PNLIPRP3: variants seen among roughly 807,000 people sequenced by gnomAD.
PNLIPRP3 encodes pancreatic lipase-related protein 3.
Under a neutral mutation model 52.8 loss-of-function variants are expected in PNLIPRP3, and 58 were observed. The ratio of observed to expected loss-of-function variants is 1.10; its 90% CI spans 0.89 to 1.37. The LOEUF is 1.37. PNLIPRP3 is among the 40% of genes most tolerant of loss of function. The pLI is 0.00. For missense variants in PNLIPRP3, 593 were observed against 561.6 expected (o/e 1.06, Z -0.57); for synonymous variants, 192 against 185.0 (o/e 1.04, Z -0.31).
At chr10:116,476,217 G>T (rs544502476) in intron 10 of PNLIPRP3, among the ~76,000 whole-genome samples, 85 of 152,226 alleles carry the variant, frequency 5.6e-4, no homozygotes, top group Non-Finnish European at 9.7e-4. Flanking sequence ...AAGGGCACGG[G>T]AGCACTCTGG....
intron 2 of PNLIPRP3, chr10:116,439,784 CCTT>C (rs1271840218): frequency 2.1e-5 from 16 of 773,404 alleles, no homozygotes; most frequent in South Asian, 1.3e-4. Context: ...GCATTAGGAT[CCTT>C]CTTCTTGCCT....
Position 116,477,127 on chromosome 10 carries a change from A to G in PNLIPRP3, c.1378A>G (p.Ile460Val), listed in dbSNP as rs1210345188. ...FCSQDIMGPN[I>V]LQNLKPC is the part of the protein sequence containing the mutation. Reference sequence around the variant, plus strand: ...TAGCCAAGACATTATGGGACCTAATATTCTCCAGAACCTGAAACCATGCTA... The same window carrying G: ...TAGCCAAGACATTATGGGACCTAATGTTCTCCAGAACCTGAAACCATGCTA... The change falls in exon 12 of 12, where the codon ATT (isoleucine) becomes GTT (valine). Residue 460 changes from isoleucine to valine, a missense_variant. By Grantham distance (29) the Ile-to-Val change is conservative. Coordinates refer to ENST00000369230, the MANE Select transcript of PNLIPRP3 (RefSeq NM_001011709.3). 6.3e-7 allele frequency: 1 copy of G among 1,597,766 alleles called. No homozygotes were observed. The highest frequency in any genetic ancestry group is 8.6e-7 in the Non-Finnish European group (1 of 1,168,188).
At chr10:116,432,068 C>A (rs1007341578) in intron 1 of PNLIPRP3, among the ~76,000 whole-genome samples, 1 of 152,160 alleles carries the variant, frequency 6.6e-6, no homozygotes, top group East Asian at 1.9e-4. Context: ...TTTTGAAAAA[C>A]GTATTCTTAT....
At chr10:116,428,798 A>C (rs1020806492) in intron 1 of PNLIPRP3, among the ~76,000 whole-genome samples, 1 of 152,156 alleles carries the variant, frequency 6.6e-6, no homozygotes, top group South Asian at 2.1e-4. Context: ...TTAATGTTGA[A>C]AGAGATCAAC....
intron 2 of PNLIPRP3, among the ~76,000 whole-genome samples, chr10:116,442,719 G>C (rs563236022): frequency 1.7e-3 from 253 of 152,098 alleles, no homozygotes; most frequent in African/African-American, 5.7e-3. Context: ...TTTAAAATTA[G>C]CCATGTGTGG....
chr10:116,440,081 T>G, intron 2 of PNLIPRP3: 1 of 695,420 alleles, frequency 1.4e-6, no homozygotes. Flanking sequence ...TCAACTTTTT[T>G]TTAAGTGAAG....
intron 7 of PNLIPRP3, among the ~76,000 whole-genome samples, chr10:116,463,069 A>G (rs1321584352): frequency 6.6e-6 from 1 of 152,242 alleles, no homozygotes; most frequent in Non-Finnish European, 1.5e-5. Context: ...CTATAGATAT[A>G]CAGAGACCTA....
At chr10:116,435,040 G>A (rs932569045) in intron 1 of PNLIPRP3, among the ~76,000 whole-genome samples, 2 of 152,126 alleles carry the variant, frequency 1.3e-5, no homozygotes, top group Non-Finnish European at 2.9e-5. Flanking sequence ...CAATTCATTT[G>A]AATCATCTCC....
intron 9 of PNLIPRP3, among the ~76,000 whole-genome samples, chr10:116,469,664 G>A (rs1328136716): frequency 2.0e-5 from 3 of 152,190 alleles, no homozygotes; most frequent in Non-Finnish European, 4.4e-5. Context: ...GACCACGTCT[G>A]TAAATGCCTG....
At chr10:116,470,283 G>A (rs1417136252) in intron 9 of PNLIPRP3, among the ~76,000 whole-genome samples, 2 of 152,054 alleles carry the variant, frequency 1.3e-5, no homozygotes, top group Non-Finnish European at 2.9e-5. Context: ...ATAGAGAGTT[G>A]GGAGTCACTC....
intron 2 of PNLIPRP3, among the ~76,000 whole-genome samples, chr10:116,440,566 T>C (rs1845843962): frequency 6.6e-6 from 1 of 152,214 alleles, no homozygotes; most frequent in African/African-American, 2.4e-5. Context: ...ATATGCTATA[T>C]GAATTGGACT....
At chr10:116,450,888 G>A (rs1318570133) in intron 4 of PNLIPRP3, among the ~76,000 whole-genome samples, 3 of 147,298 alleles carry the variant, frequency 2.0e-5, no homozygotes, top group Non-Finnish European at 3.0e-5. Context: ...CAGATTCAAC[G>A]TAATACCTAT....
chr10:116,466,252 T>C, intron 8 of PNLIPRP3, 84 bp downstream of exon 8: 1 of 1,005,792 alleles, frequency 9.9e-7, no homozygotes, highest in Non-Finnish European at 1.4e-6. Flanking sequence ...GGGCTTTGTG[T>C]AGGTAGCAAA....
At chr10:116,456,255 G>T (rs1264083447) in intron 5 of PNLIPRP3, among the ~76,000 whole-genome samples, 1 of 152,140 alleles carries the variant, frequency 6.6e-6, no homozygotes, top group Non-Finnish European at 1.5e-5. Flanking sequence ...GCTAGAAGGA[G>T]TACATTCTAG....
intron 4 of PNLIPRP3, among the ~76,000 whole-genome samples, chr10:116,453,765 CA>C (rs1409394828): frequency 6.6e-6 from 1 of 152,156 alleles, no homozygotes; most frequent in African/African-American, 2.4e-5. Context: ...CCTGAGGCCT[CA>C]CCAGAAGCAG....
At chr10:116,428,804 T>C (rs1484274937) in intron 1 of PNLIPRP3, among the ~76,000 whole-genome samples, 1 of 152,166 alleles carries the variant, frequency 6.6e-6, no homozygotes, top group Non-Finnish European at 1.5e-5. Flanking sequence ...TTGAAAGAGA[T>C]CAACCCCTTT....
In PNLIPRP3 at chr10:116,466,180, A is replaced by G; in HGVS notation, c.927+12A>G. ...CATCTTTTAAAGCAGTAAGTAAATC[A>G]TCTTACTTGGAATTTAATTATAAAG... On this transcript the variant is annotated intron_variant, in intron 8 of 11. Transcript: ENST00000369230. 6.5e-7 allele frequency: 1 copy of G among 1,531,162 alleles called. No homozygotes were observed. The highest frequency in any genetic ancestry group is 2.3e-5 in the East Asian group (1 of 44,376). 94.8% of individuals were successfully genotyped at this position (1,531,162 alleles called of 1,614,324 possible).
chr10:116,444,433 G>A lies in PNLIPRP3; in HGVS notation c.376G>A (p.Gly126Ser). 2 of 1,612,590 alleles carry A rather than the reference G, an allele frequency of 1.2e-6. No homozygotes were observed. The highest frequency in any genetic ancestry group is 2.2e-5 in the East Asian group (1 of 44,856). ...TTGCATTAATTTAGATTGGATCAAC[G>A]GTTCACGGGAATACATCCATGCTGT... The part of the protein sequence containing the change: ...INCINLDWIN[G>S]SREYIHAVNN... Residue 126 changes from glycine (G) to serine (S), a missense_variant, in exon 4 of 12, where the codon GGT becomes AGT. Gly to Ser is a moderately conservative substitution (Grantham distance 56). Transcript: ENST00000369230.
intron 2 of PNLIPRP3, among the ~76,000 whole-genome samples, chr10:116,438,284 G>A (rs1240003122): frequency 6.6e-6 from 1 of 152,170 alleles, no homozygotes; most frequent in Non-Finnish European, 1.5e-5. Context: ...AGGACTAGGA[G>A]TGGTTGGAGG....
Sources: gnomAD v4.1 joint callset for allele counts (sites outside exome capture counted in the v4.1 genomes callset) on GRCh38, gnomAD v4.1.1 for gene constraint, MANE v1.5 for transcripts, NCBI Gene and HGNC (gene_info 2026-07-23, HGNC 2026-07-21) for gene names.